The following NREP variants were observed in gnomAD, a reference collection of about 807,000 sequenced individuals.
NREP encodes neuronal regeneration related protein, also known as neuronal regeneration-related protein.
In NREP, 5 loss-of-function variants were observed where a neutral mutation model predicts 8.6. The observed-to-expected ratio is 0.58, with a 90% CI of 0.30 to 1.22. The LOEUF (loss-of-function observed/expected upper bound fraction) is 1.22, where lower values mean the gene tolerates loss of function less well. Among genes scored for constraint, NREP ranks in the 50% most tolerant of loss-of-function variants. NREP has a pLI of 0.07. For missense variants in NREP, 86 were observed against 82.5 expected, an observed-to-expected ratio of 1.04 and a Z score of -0.17; for synonymous variants, 27 against 28.0, an observed-to-expected ratio of 0.96 and a Z score of 0.11.
intron 2 of NREP, among the ~76,000 whole-genome samples, chr5:111,880,975 C>T (rs960220659): frequency 1.3e-4 from 20 of 152,170 alleles, no homozygotes; most frequent in Non-Finnish European, 2.6e-4. Context: ...ACAGTGGGCA[C>T]AGGACAGTGG....
At chr5:111,950,647 T>G (rs771290761) in intron 2 of NREP, among the ~76,000 whole-genome samples, 3 of 151,078 alleles carry the variant, frequency 2.0e-5, no homozygotes, top group Non-Finnish European at 2.9e-5. Context: ...AAGCTGCTCA[T>G]CTGACAAAGG....
chr5:111,904,338 G>A (rs1010040168), intron 2 of NREP, among the ~76,000 whole-genome samples: 10 of 152,108 alleles, frequency 6.6e-5, no homozygotes, highest in Non-Finnish European at 1.2e-4. Flanking sequence ...ATAATTGTGT[G>A]TAAATATTTT....
At chr5:111,910,251 GTTTAGTCTTTGA>G (rs1167110470) in intron 2 of NREP, among the ~76,000 whole-genome samples, 2 of 151,978 alleles carry the variant, frequency 1.3e-5, no homozygotes, top group African/African-American at 4.8e-5. Flanking sequence ...ATAATACTCA[GTTTAGTCTTTGA>G]CGTGGAAGCA....
intron 2 of NREP, among the ~76,000 whole-genome samples, chr5:111,864,877 A>G (rs938505228): frequency 3.9e-5 from 6 of 152,164 alleles, no homozygotes; most frequent in Middle Eastern, 3.2e-3. Context: ...TTCAGCATGT[A>G]TTTTAGTGTA....
At chr5:111,893,595 A>G (rs1754441763) in intron 2 of NREP, among the ~76,000 whole-genome samples, 1 of 151,322 alleles carries the variant, frequency 6.6e-6, no homozygotes, top group Non-Finnish European at 1.5e-5. Flanking sequence ...AGTTGCATGA[A>G]AAATACATCT....
At chr5:111,731,778 T>C (rs1182147518) in intron 3 of NREP, 2 of 152,256 alleles carry the variant, frequency 1.3e-5, no homozygotes, top group Non-Finnish European at 2.9e-5. Context: ...TGTTTCTGAC[T>C]AGAATAACTC....
At chr5:111,967,284 C>T (rs1388119981) in intron 2 of NREP, among the ~76,000 whole-genome samples, 2 of 35,660 alleles carry the variant, frequency 5.6e-5, no homozygotes, top group Non-Finnish European at 1.1e-4. Flanking sequence ...CCAACAAATT[C>T]TTTCTTTATA....
chr5:111,967,884 T>A (rs1024387278), intron 2 of NREP, among the ~76,000 whole-genome samples: 3 of 152,134 alleles, frequency 2.0e-5, no homozygotes, highest in African/African-American at 7.2e-5. Flanking sequence ...TAAAGAATAA[T>A]TCATGAAAAG....
In NREP at chr5:111,765,458, G is replaced by A. The variant is rs116617440; in HGVS notation, c.136-29951C>T. On this transcript the variant is annotated intron_variant, in intron 2 of 3. Transcript: ENST00000395634. ...GTTGCATTTAAAGCAGGCATTCTCC[G>A]TGTACAGGCACTGTTAGCTCAAGAA... Among the ~76,000 whole-genome samples, 810 of 152,276 alleles carry A rather than the reference G, an allele frequency of 5.3e-3. 12 individuals are homozygous for A. Among genetic ancestry groups the A allele is most frequent in the African/African-American group, 0.019 (780 of 41,554 alleles).
upstream of NREP, among the ~76,000 whole-genome samples, chr5:111,760,699 C>T (rs538440748): frequency 1.3e-5 from 2 of 152,168 alleles, no homozygotes; most frequent in South Asian, 4.1e-4. Context: ...TGAGCAGAGG[C>T]AGGGGCAGAT....
At chr5:111,839,257 G>A (rs920965045) in intron 2 of NREP, among the ~76,000 whole-genome samples, 1 of 152,118 alleles carries the variant, frequency 6.6e-6, no homozygotes, top group Non-Finnish European at 1.5e-5. Context: ...CTAAGGCTAT[G>A]ATGTGGTTGT....
intron 2 of NREP, among the ~76,000 whole-genome samples, chr5:111,902,479 G>A (rs1226111015): frequency 1.3e-5 from 2 of 152,064 alleles, no homozygotes; most frequent in African/African-American, 2.4e-5. Flanking sequence ...GAGATGAAAC[G>A]TGGTTTTACA....
chr5:111,932,321 T>C (rs1755563869), intron 2 of NREP, among the ~76,000 whole-genome samples: 1 of 151,990 alleles, frequency 6.6e-6, no homozygotes, highest in African/African-American at 2.4e-5. Context: ...CTCATCACAA[T>C]ATACACTGAA....
chr5:111,737,093 A>G (rs1473359808), intron 2 of NREP, among the ~76,000 whole-genome samples: 1 of 151,810 alleles, frequency 6.6e-6, no homozygotes, highest in East Asian at 1.9e-4. Flanking sequence ...GGTTCCCCTC[A>G]CCCCAACCAC....
chr5:111,870,666 A>T (rs1201101026), intron 2 of NREP, among the ~76,000 whole-genome samples: 1 of 152,110 alleles, frequency 6.6e-6, no homozygotes, highest in Admixed American at 6.6e-5. Context: ...TTTGGAAGGG[A>T]TATAATCCGT....
At chr5:111,870,369 G>C (rs866072853) in intron 2 of NREP, among the ~76,000 whole-genome samples, 1 of 152,204 alleles carries the variant, frequency 6.6e-6, no homozygotes, top group East Asian at 1.9e-4. Context: ...GACAGAGATT[G>C]CAGTAAGCCA....
At chr5:111,740,707 C>T (rs543858630) in intron 2 of NREP, among the ~76,000 whole-genome samples, 65 of 152,246 alleles carry the variant, frequency 4.3e-4, no homozygotes, top group African/African-American at 1.5e-3. Context: ...TTTTCAAACA[C>T]TTTTTAAGCT....
chr5:111,909,129 T>C (rs1343790860), intron 2 of NREP, among the ~76,000 whole-genome samples: 1 of 152,080 alleles, frequency 6.6e-6, no homozygotes, highest in Non-Finnish European at 1.5e-5. Context: ...ATTAGACCTT[T>C]CTCTGATGCA....
rs569645370 is a variant in NREP, at chr5:111,839,296, T to C, written c.136-103789A>G. ...TCACTAGCTGGGGGAACACAAGGCA[T>C]TCTGCTTCCAGAGCATGAAGGGCAA... On this transcript the variant is annotated intron_variant, in intron 2 of 3. Coordinates refer to the NREP transcript ENST00000395634. Among the ~76,000 whole-genome samples the C allele has an allele frequency of 7.3e-4, 111 of 152,244 alleles. 1 individual carries two copies. Among genetic ancestry groups the C allele is most frequent in the African/African-American group, 2.5e-3 (105 of 41,548 alleles).
Sources: gnomAD v4.1 joint callset for allele counts (sites outside exome capture counted in the v4.1 genomes callset) on GRCh38, gnomAD v4.1.1 for gene constraint, MANE v1.5 for transcripts, NCBI Gene and HGNC (gene_info 2026-07-23, HGNC 2026-07-21) for gene names.